NUAK2: variants seen among roughly 807,000 people sequenced by gnomAD.
The protein encoded by NUAK2 is NUAK family SNF1-like kinase 2.
A neutral mutation model predicts 29.8 loss-of-function variants in NUAK2; 20 were observed. That is an observed-to-expected ratio of 0.67 (90% CI 0.47 to 0.98). The LOEUF (loss-of-function observed/expected upper bound fraction) is 0.98. Ranked by LOEUF, NUAK2 falls within the 50% of genes least tolerant of loss-of-function variation. NUAK2 has a pLI of 0.00. For synonymous variants in NUAK2, 331 were observed against 342.6 expected, an observed-to-expected ratio of 0.97 and a Z score of 0.37; for missense variants, 719 against 834.5, an observed-to-expected ratio of 0.86 and a Z score of 1.71.
chr1:205,304,010 G>A lies in NUAK2; in HGVS notation c.1327C>T (p.Leu443Phe). 3 of 1,613,908 alleles carry A rather than the reference G, an allele frequency of 1.9e-6. 1 individual carries two copies. The South Asian group carries it at 3.3e-5, about 18-fold the overall frequency. The part of the protein sequence containing the change: ...PASPGQAAPL[L>F]PKKGILKKPR... ...TTCTTGAGAATGCCCTTCTTGGGGA[G>A]CAGGGGGGCAGCCTGCCCTGGGCTC... is the stretch of plus-strand genomic sequence containing the variant. Residue 443 changes from leucine (L) to phenylalanine (F), a missense_variant, in exon 7 of 7, where the codon CTC becomes TTC. By Grantham distance (22) the Leu-to-Phe change is conservative. Transcript: ENST00000367157. This position sits in a 1 kb window ranked among gnomAD's most constrained non-coding sequence, Gnocchi z 6.5.
At chr1:205,311,080 C>T (rs1167732358) in intron 2 of NUAK2, among the ~76,000 whole-genome samples, 1 of 152,176 alleles carries the variant, frequency 6.6e-6, no homozygotes, top group Non-Finnish European at 1.5e-5. Flanking sequence ...TCCTTCGTCA[C>T]CCTCTCTTGC....
intron 1 of NUAK2, among the ~76,000 whole-genome samples, chr1:205,313,361 C>A (rs1383179331): frequency 2.0e-5 from 3 of 152,136 alleles, no homozygotes; most frequent in Non-Finnish European, 4.4e-5. Flanking sequence ...GCTATCTTAG[C>A]CCGGCAAGAT....
Position 205,304,332 on chromosome 1 carries a change from C to G in NUAK2, c.1005G>C (p.Trp335Cys). 1 of 1,609,866 alleles carries G rather than the reference C, an allele frequency of 6.2e-7. No homozygotes were observed. Among genetic ancestry groups the G allele is most frequent in the Non-Finnish European group, 8.5e-7 (1 of 1,177,280 alleles). The change falls in exon 7 of 7, where the codon TGG (tryptophan) becomes TGC (cysteine). Residue 335 changes from tryptophan to cysteine, a missense_variant. By Grantham distance (215) the Trp-to-Cys change is radical. This residue lies in a region of NUAK2 where 430 missense variants were observed against 465.7 expected (regional missense o/e 0.92). Transcript: ENST00000367157. This position sits in a 1 kb window ranked among gnomAD's most constrained non-coding sequence, Gnocchi z 6.5. ...SDSARASMAD[W>C]LRRSSRPLLE... The stretch of plus-strand genomic sequence containing the variant: ...GGAGGGGGCGGGAGGAACGCCGGAG[C>G]CAGTCAGCCATGGAGGCGCGGGCAG...
chr1:205,309,816 C>A (rs1335584418), intron 2 of NUAK2, among the ~76,000 whole-genome samples: 1 of 152,208 alleles, frequency 6.6e-6, no homozygotes, highest in African/African-American at 2.4e-5. Flanking sequence ...GGCAGGGCCT[C>A]ATGCATAAGG....
intron 5 of NUAK2, among the ~76,000 whole-genome samples, chr1:205,305,778 C>T (rs888572330): frequency 1.3e-5 from 2 of 152,134 alleles, no homozygotes; most frequent in Admixed American, 6.6e-5. Context: ...GTGGCATGAT[C>T]CTGGCTCACT....
At chr1:205,305,076 ACCTACCATGGG>A (rs1248403416) in intron 6 of NUAK2, 112 bp downstream of exon 6, 13 of 1,289,718 alleles carry the variant, frequency 1.0e-5, no homozygotes, top group Non-Finnish European at 1.4e-5. Context: ...GGGTACCCTA[ACCTACCATGGG>A]CCATGATGGA....
At chr1:205,306,857 GGCCCTC>G (rs1662188226) in intron 4 of NUAK2, among the ~76,000 whole-genome samples, 1 of 152,168 alleles carries the variant, frequency 6.6e-6, no homozygotes, top group African/African-American at 2.4e-5. Flanking sequence ...ATAATGGCAT[GGCCCTC>G]AGGAACAAGC....
At position 205,302,090 on chromosome 1, in the gene NUAK2, T is replaced by A. The variant is rs1213896819; in HGVS notation, c.*1360A>T. ...CCAATCACCTTTCTGGTTTTAATGG[T>A]ACTTTTTGGCCACGGAGGTCCATTA... On this transcript the variant is annotated 3_prime_UTR_variant, in exon 7 of 7. Coordinates refer to ENST00000367157, the MANE Select transcript of NUAK2 (RefSeq NM_030952.3). The A allele has an allele frequency of 6.6e-6, 1 of 152,450 alleles. No individual in the cohort carries two copies. Among genetic ancestry groups the A allele is most frequent in the Non-Finnish European group, 1.5e-5 (1 of 68,058 alleles). 9.4% of individuals were successfully genotyped at this position (152,450 alleles called of 1,614,324 possible).
rs56720864 is a variant in NUAK2 at position 205,304,984 on chromosome 1, A to G, written c.823+215T>C. ...GTGAGACCTTAGGAACCACTTCCCA[A>G]ATATAATCAAACATGCCCCTGTGGG... On this transcript the variant is annotated intron_variant, in intron 6 of 6. Coordinates refer to ENST00000367157, the MANE Select transcript of NUAK2 (RefSeq NM_030952.3). The surrounding 1 kb of genome is among the most constrained non-coding windows in gnomAD (Gnocchi z 6.5). Among the ~76,000 whole-genome samples, 1,282 of 152,320 alleles carry G rather than the reference A, an allele frequency of 8.4e-3. 13 individuals are homozygous for G. The highest frequency in any genetic ancestry group is 0.027 in the African/African-American group (1,138 of 41,572).
At position 205,321,638 on chromosome 1, in the gene NUAK2, GA is replaced by G. The variant is rs1558677946; in HGVS notation, c.-11del. The G allele has an allele frequency of 3.1e-6, 5 of 1,605,172 alleles. No homozygotes were observed. Among genetic ancestry groups the G allele is most frequent in the Admixed American group, 3.3e-5 (2 of 59,752 alleles). ...AAACCAGCGACTCCATGGCGAGCAG[GA>G]GGTGAGCAAGGGCGGCAGGGGAATC... On this transcript the variant is annotated 5_prime_UTR_variant, in exon 1 of 7. Coordinates refer to ENST00000367157, the MANE Select transcript of NUAK2 (RefSeq NM_030952.3).
intron 5 of NUAK2, 147 bp from the exon 6 acceptor site, chr1:205,305,478 G>A (rs2275869): frequency 0.026 from 36,362 of 1,421,678 alleles, 1,751 homozygotes; most frequent in African/African-American, 0.16. Flanking sequence ...AGGGGTCTGA[G>A]ATGTTGTCAA....
At chr1:205,320,104 T>C (rs1042197435) in intron 1 of NUAK2, among the ~76,000 whole-genome samples, 10 of 152,218 alleles carry the variant, frequency 6.6e-5, no homozygotes, top group Admixed American at 2.0e-4. Flanking sequence ...AATGTAAGTA[T>C]TTTAAACAAA....
Position 205,318,063 on chromosome 1 carries a change from C to T in NUAK2, c.231+3335G>A, listed in dbSNP as rs117968166. Among the ~76,000 whole-genome samples the T allele has an allele frequency of 3.5e-4, 54 of 152,298 alleles. 1 individual carries two copies. The East Asian group carries it at 9.5e-3, about 27-fold the overall frequency. ...CACGAGGTAGGAATAATTATCACCC[C>T]TACTTTACAGATAAGGAAACTGAGG... On this transcript the variant is annotated intron_variant, in intron 1 of 6. Coordinates refer to ENST00000367157, the MANE Select transcript of NUAK2 (RefSeq NM_030952.3).
rs770689673 is a variant in NUAK2, at chr1:205,304,349, C to T, written c.988G>A (p.Ala330Thr). ...CGCCGGAGCCAGTCAGCCATGGAGG[C>T]GCGGGCAGAGTCACTGCCAGGGTGC... ...GGHPGSDSARASMADWLRRSS... is the reference protein window; with the variant it reads ...GGHPGSDSARTSMADWLRRSS... The change falls in exon 7 of 7, where the codon GCC becomes ACC. Residue 330 changes from alanine (A) to threonine (T), a missense_variant. This residue lies in a region of NUAK2 where 430 missense variants were observed against 465.7 expected (regional missense o/e 0.92). Coordinates refer to ENST00000367157, the MANE Select transcript of NUAK2 (RefSeq NM_030952.3). The surrounding 1 kb of genome is among the most constrained non-coding windows in gnomAD (Gnocchi z 6.5). The T allele has an allele frequency of 2.3e-5, 37 of 1,610,248 alleles. No homozygotes were observed. Among genetic ancestry groups the T allele is most frequent in the African/African-American group, 6.7e-5 (5 of 74,908 alleles).
At position 205,302,419 on chromosome 1, in the gene NUAK2, G is replaced by A. The variant is rs1662088134; in HGVS notation, c.*1031C>T. The A allele has an allele frequency of 6.5e-6, 1 of 152,698 alleles. No individual in the cohort carries two copies. The highest frequency in any genetic ancestry group is 2.4e-5 in the African/African-American group (1 of 41,442). The allele number at this position is 152,698 out of a possible 1,614,324, so 9.5% of individuals were successfully genotyped here. The stretch of plus-strand genomic sequence containing the variant: ...AAGTTCTGAGTCACTGAGGTCCAAG[G>A]TGGAGTCCAGAGGAGGCTGGGCCCC... On this transcript the variant is annotated 3_prime_UTR_variant, in exon 7 of 7. Transcript: ENST00000367157.
At chr1:205,305,068 G>T in intron 6 of NUAK2, 131 bp downstream of exon 6, 3 of 1,167,598 alleles carry the variant, frequency 2.6e-6, no homozygotes, top group South Asian at 1.6e-5. Context: ...ACGGTGGAGG[G>T]TACCCTAACC....
At position 205,302,456 on chromosome 1, in the gene NUAK2, T is replaced by A. The variant is rs933078936; in HGVS notation, c.*994A>T. 1.3e-5 allele frequency: 2 copies of A among 152,480 alleles called. No individual in the cohort carries two copies. Among genetic ancestry groups the A allele is most frequent in the Admixed American group, 1.3e-4 (2 of 15,260 alleles). The allele number at this position is 152,480 out of a possible 1,614,324, so 9.4% of individuals were successfully genotyped here. A position where few individuals can be genotyped will look rare whatever the true frequency, so the allele number is the denominator to read the frequency against. On this transcript the variant is annotated 3_prime_UTR_variant, in exon 7 of 7. Coordinates refer to ENST00000367157, the MANE Select transcript of NUAK2 (RefSeq NM_030952.3). ...GGAGGCTGGGCCCCTTGAGATGAAG[T>A]CCACACAGCAGGCGGAGGCTTTTCA...
At chr1:205,317,412 C>G (rs1662343849) in intron 1 of NUAK2, among the ~76,000 whole-genome samples, 1 of 152,158 alleles carries the variant, frequency 6.6e-6, no homozygotes, top group Non-Finnish European at 1.5e-5. Context: ...GGGGATGACC[C>G]ATTTAGATAA....
At chr1:205,306,044 A>G (rs757377158) in intron 5 of NUAK2, 144 bp downstream of exon 5, 88 of 1,138,182 alleles carry the variant, frequency 7.7e-5, no homozygotes, top group South Asian at 3.4e-4. Context: ...CTGGCTAGAC[A>G]CCTGGCAAGT....
Sources: gnomAD v4.1 joint callset for allele counts (sites outside exome capture counted in the v4.1 genomes callset) on GRCh38, gnomAD v4.1.1 for gene constraint, gnomAD v4.1.1 regional missense constraint, Gnocchi (gnomAD v3.1) non-coding constraint, MANE v1.5 for transcripts, NCBI Gene and HGNC (gene_info 2026-07-23, HGNC 2026-07-21) for gene names.